The following DRC1 variants were observed in gnomAD, a reference collection of about 807,000 sequenced individuals.
The protein encoded by DRC1 is dynein regulatory complex subunit 1, also known as dynein regulatory complex protein 1.
Under a neutral mutation model 98.7 loss-of-function variants are expected in DRC1, and 74 were observed. The ratio of observed to expected loss-of-function variants is 0.75; its 90% CI spans 0.62 to 0.91. The LOEUF (loss-of-function observed/expected upper bound fraction) is 0.91, where lower values mean the gene tolerates loss of function less well. Ranked by LOEUF, DRC1 falls within the 40% of genes least tolerant of loss-of-function variation. The pLI is 0.00. For missense variants in DRC1, 875 were observed against 886.0 expected (o/e 0.99, Z 0.16); for synonymous variants, 336 against 334.1 (o/e 1.01, Z -0.06).
intron 6 of DRC1, 86 bp downstream of exon 6, chr2:26,430,958 CTTTTTTT>C (rs5830013): frequency 2.6e-5 from 9 of 344,840 alleles, no homozygotes; most frequent in East Asian, 6.5e-5. Flanking sequence ...CTTTTTCTAT[CTTTTTTT>C]TTTTTTTTTT....
At chr2:26,433,569 T>G (rs552791770) in intron 7 of DRC1, among the ~76,000 whole-genome samples, 44 of 152,342 alleles carry the variant, frequency 2.9e-4, no homozygotes, top group Non-Finnish European at 5.1e-4. Flanking sequence ...TTTATCTTGT[T>G]TCTGTGATAA....
In DRC1 at chr2:26,421,418, CT is replaced by C; in HGVS notation, c.356+19del. ...CGTCAAAGGTAAGGACTGTGCTACT[CT>C]GCAGCTGGTGGACATGAAGGTAATC... On this transcript the variant is annotated intron_variant, in intron 3 of 16. Coordinates refer to ENST00000288710, the MANE Select transcript of DRC1 (RefSeq NM_145038.5). The C allele has an allele frequency of 6.2e-7, 1 of 1,605,084 alleles. No individual in the cohort carries two copies. Among genetic ancestry groups the C allele is most frequent in the South Asian group, 1.1e-5 (1 of 90,358 alleles).
chr2:26,409,689 A>G (rs1209394608), intron 1 of DRC1, among the ~76,000 whole-genome samples: 1 of 152,230 alleles, frequency 6.6e-6, no homozygotes, highest in African/African-American at 2.4e-5. Flanking sequence ...AAAGTTCTAA[A>G]ATTACATGAT....
At position 26,454,201 on chromosome 2, in the gene DRC1, A is replaced by G. The variant is rs1558457277; in HGVS notation, c.1920-446A>G. Among the ~76,000 whole-genome samples the G allele has an allele frequency of 6.6e-6, 1 of 152,144 alleles. No individual in the cohort carries two copies. The highest frequency in any genetic ancestry group is 1.5e-5 in the Non-Finnish European group (1 of 68,026). Reference sequence around the variant, plus strand: ...AGCCATGATTAGCCTTGCGTTTTAGAGAGATCATTGTGGCGTCAGGGAAGG... The same window carrying G: ...AGCCATGATTAGCCTTGCGTTTTAGGGAGATCATTGTGGCGTCAGGGAAGG... On this transcript the variant is annotated intron_variant, in intron 14 of 16. Transcript: ENST00000288710. This position sits in a 1 kb window ranked among gnomAD's most constrained non-coding sequence, Gnocchi z 5.2.
At chr2:26,422,638 G>A (rs190925684) in intron 3 of DRC1, among the ~76,000 whole-genome samples, 1 of 152,128 alleles carries the variant, frequency 6.6e-6, no homozygotes, top group African/African-American at 2.4e-5. Context: ...ACTTGGCCAG[G>A]CACGGGGTGG....
At chr2:26,411,793 C>CT (rs1175141895) in intron 1 of DRC1, among the ~76,000 whole-genome samples, 1 of 144,776 alleles carries the variant, frequency 6.9e-6, no homozygotes, top group Non-Finnish European at 1.5e-5. Flanking sequence ...AAGACTCTGT[C>CT]TTAAAAAAAA....
chr2:26,444,527 A>T (rs1328957882), intron 9 of DRC1, among the ~76,000 whole-genome samples, 171 bp downstream of exon 9: 3 of 152,138 alleles, frequency 2.0e-5, no homozygotes, highest in Non-Finnish European at 2.9e-5. Flanking sequence ...CTTGCGTGTC[A>T]CCTGCCTTTT....
intron 10 of DRC1, chr2:26,448,253 A>C: frequency 4.8e-6 from 2 of 416,452 alleles, no homozygotes; most frequent in South Asian, 3.7e-5. Flanking sequence ...TTATCTGTGA[A>C]TGTGCAAAGC....
At chr2:26,448,224 CAAAAAAAA>C in intron 10 of DRC1, 1 of 302,882 alleles carries the variant, frequency 3.3e-6, no homozygotes, top group Non-Finnish European at 6.2e-6. Flanking sequence ...GACTCCATCT[CAAAAAAAA>C]AAAAAAAAAA....
intron 1 of DRC1, among the ~76,000 whole-genome samples, chr2:26,404,357 A>G (rs958036220): frequency 2.0e-5 from 3 of 152,144 alleles, no homozygotes; most frequent in African/African-American, 7.2e-5. Flanking sequence ...GAACTTCCTG[A>G]TTATTTTTCC....
Position 26,456,360 on chromosome 2 carries a change from A to C in DRC1, c.2167-101A>C. 2.8e-6 allele frequency: 4 copies of C among 1,434,796 alleles called. No individual in the cohort carries two copies. In the South Asian group the frequency reaches 4.8e-5, roughly 17 times the overall value. The allele number at this position is 1,434,796 out of a possible 1,614,324, so 88.9% of individuals were successfully genotyped here. On this transcript the variant is annotated intron_variant, in intron 16 of 16. Transcript: ENST00000288710. Reference sequence around the variant, plus strand: ...TCAGCTTTGGAGAGGAGATGCGTGCAGGGCTTTGGAGGCCCATGGGAGAGC... The same window carrying C: ...TCAGCTTTGGAGAGGAGATGCGTGCCGGGCTTTGGAGGCCCATGGGAGAGC...
chr2:26,426,437 G>A (rs1572365295), intron 4 of DRC1, among the ~76,000 whole-genome samples: 1 of 151,276 alleles, frequency 6.6e-6, no homozygotes, highest in South Asian at 2.1e-4. Context: ...TTTGATCTCG[G>A]CTCACTGCAA....
At chr2:26,411,723 G>C (rs113849615) in intron 1 of DRC1, among the ~76,000 whole-genome samples, 2,230 of 152,172 alleles carry the variant, frequency 0.015, 59 homozygotes, top group African/African-American at 0.051. Flanking sequence ...CTTGAACCTG[G>C]GTGGCGGAGG....
At position 26,424,334 on chromosome 2, in the gene DRC1, G is replaced by A. The variant is rs1663226644; in HGVS notation, c.420G>A (p.Lys140=). 1.2e-6 allele frequency: 2 copies of A among 1,613,978 alleles called. No individual in the cohort carries two copies. Among genetic ancestry groups the A allele is most frequent in the Non-Finnish European group, 1.7e-6 (2 of 1,180,014 alleles). ...ACAAATTCGATGAAATCACCTCAAA[G>A]TGGGAAGAGGGCAAGCAGAAGAGAA... ...SQDKFDEITS[K]WEEGKQKRIP... The change falls in exon 4 of 17, where the codon AAG becomes AAA. Residue 140 remains lysine (K), a synonymous_variant. Transcript: ENST00000288710.
intron 10 of DRC1, 60 bp downstream of exon 10, chr2:26,445,008 C>A (rs1053068349): frequency 2.1e-5 from 33 of 1,539,700 alleles, no homozygotes; most frequent in East Asian, 1.6e-4. Context: ...AACATCGGGT[C>A]AAGCCAGTCA....
intron 7 of DRC1, among the ~76,000 whole-genome samples, chr2:26,439,194 C>T (rs965433060): frequency 6.6e-6 from 1 of 152,058 alleles, no homozygotes; most frequent in Admixed American, 6.6e-5. Context: ...ATGCTATTTC[C>T]TCTCTCTAGA....
chr2:26,456,435 A>G (rs1314587843), intron 16 of DRC1, 26 bp from the exon 17 acceptor site: 2 of 1,613,820 alleles, frequency 1.2e-6, no homozygotes, highest in African/African-American at 2.7e-5. Context: ...GGAAAAATGT[A>G]ACGACTTTCA....
rs1664055235 is a variant in DRC1, at chr2:26,453,342, G to T, written c.1712G>T (p.Ser571Ile). ...CAGATCAAGCCCTGCAGTCAGGCGA[G>T]CATGGAGAAGGCGAGCATGGAGGAG... ...SLQIKPCSQA[S>I]MEKASMEETS... Residue 571 changes from serine to isoleucine, a missense_variant, in exon 14 of 17, where the codon AGC (serine) becomes ATC (isoleucine). By Grantham distance (142) the Ser-to-Ile change is moderately radical. Transcript: ENST00000288710. 1 of 1,613,094 alleles carries T rather than the reference G, an allele frequency of 6.2e-7. No individual in the cohort carries two copies. Among genetic ancestry groups the T allele is most frequent in the Admixed American group, 1.7e-5 (1 of 59,964 alleles).
chr2:26,417,808 A>C (rs557831405), intron 2 of DRC1, among the ~76,000 whole-genome samples: 39 of 152,266 alleles, frequency 2.6e-4, no homozygotes, highest in Middle Eastern at 3.4e-3. Flanking sequence ...GTGGTATATA[A>C]ATGTACAGTT....
Sources: allele counts gnomAD v4.1 joint callset (sites outside exome capture counted in the v4.1 genomes callset), GRCh38; gene constraint gnomAD v4.1.1; non-coding constraint Gnocchi (gnomAD v3.1); transcripts MANE v1.5; gene names NCBI Gene and HGNC (gene_info 2026-07-23, HGNC 2026-07-21).